DLG2: variants seen among roughly 807,000 people sequenced by gnomAD.
DLG2 encodes disks large homolog 2.
Under a neutral mutation model 132.5 loss-of-function variants are expected in DLG2, and 45 were observed. The ratio of observed to expected loss-of-function variants is 0.34; its 90% CI spans 0.27 to 0.44. The LOEUF is 0.44. Ranked by LOEUF, DLG2 falls within the 20% of genes least tolerant of loss-of-function variation. The pLI is 1.00. For missense variants in DLG2, 1,045 were observed against 1,196.9 expected, an observed-to-expected ratio of 0.87 and a Z score of 1.87; for synonymous variants, 424 against 419.6, an observed-to-expected ratio of 1.01 and a Z score of -0.13.
intron 3 of DLG2, among the ~76,000 whole-genome samples, chr11:85,507,315 T>C (rs2093958110): frequency 1.3e-5 from 2 of 152,356 alleles, no homozygotes; most frequent in African/African-American, 2.4e-5. Flanking sequence ...TCAGTGGTCC[T>C]TACAATTTGG....
At chr11:83,627,658 G>A (rs1226337043) in intron 19 of DLG2, among the ~76,000 whole-genome samples, 6 of 152,162 alleles carry the variant, frequency 3.9e-5, no homozygotes, top group Non-Finnish European at 7.3e-5. Flanking sequence ...ATTGTGAATA[G>A]TGCCGCAATA....
chr11:84,599,463 G>A (rs545782027), intron 6 of DLG2, among the ~76,000 whole-genome samples: 19 of 152,256 alleles, frequency 1.2e-4, no homozygotes, highest in Middle Eastern at 6.8e-3. Context: ...TTGTTTTTGT[G>A]AAGAGCTGAG....
intron 9 of DLG2, among the ~76,000 whole-genome samples, chr11:84,102,366 C>A (rs963890711): frequency 3.3e-5 from 5 of 152,000 alleles, no homozygotes; most frequent in African/African-American, 1.2e-4. Flanking sequence ...AATGAAGTAA[C>A]AGAAAAACAA....
chr11:83,570,079 G>T (rs888789161), intron 19 of DLG2, among the ~76,000 whole-genome samples: 22 of 152,314 alleles, frequency 1.4e-4, no homozygotes, highest in African/African-American at 5.3e-4. Flanking sequence ...CTGGGACATG[G>T]TATCTACTTC....
At chr11:84,713,005 C>A (rs545560046) in intron 6 of DLG2, among the ~76,000 whole-genome samples, 11 of 152,058 alleles carry the variant, frequency 7.2e-5, no homozygotes, top group Non-Finnish European at 1.2e-4. Context: ...AGTGTGAATA[C>A]TATGAGAAAT....
chr11:85,275,280 A>G (rs2077818713), intron 4 of DLG2, among the ~76,000 whole-genome samples: 1 of 152,152 alleles, frequency 6.6e-6, no homozygotes, highest in Non-Finnish European at 1.5e-5. Context: ...TTCTGCTAAT[A>G]TGATATCTGG....
At chr11:84,166,429 G>C (rs922656279) in intron 8 of DLG2, among the ~76,000 whole-genome samples, 4 of 145,036 alleles carry the variant, frequency 2.8e-5, no homozygotes, top group African/African-American at 1.0e-4. Context: ...CTGAACCTGG[G>C]AGGCAGAGGT....
chr11:84,636,829 T>C (rs1450783704), intron 6 of DLG2, among the ~76,000 whole-genome samples: 1 of 151,874 alleles, frequency 6.6e-6, no homozygotes, highest in Admixed American at 6.6e-5. Flanking sequence ...TCATCCAGAC[T>C]GGAGTGCAGT....
chr11:83,557,912 A>G (rs192402560), intron 19 of DLG2, among the ~76,000 whole-genome samples: 1 of 152,286 alleles, frequency 6.6e-6, no homozygotes, highest in Admixed American at 6.5e-5. Flanking sequence ...ATTTAGATCA[A>G]TTCTGGCAGG....
chr11:84,242,477 C>A (rs2097243749), intron 8 of DLG2, among the ~76,000 whole-genome samples: 1 of 151,800 alleles, frequency 6.6e-6, no homozygotes, highest in Non-Finnish European at 1.5e-5. Flanking sequence ...ATGATCCCGG[C>A]TCACTGCAAC....
intron 6 of DLG2, among the ~76,000 whole-genome samples, chr11:84,647,681 T>C (rs566455106): frequency 2.0e-5 from 3 of 152,346 alleles, no homozygotes; most frequent in African/African-American, 2.4e-5. Context: ...TGTTCGTAGA[T>C]GACTTGCAGA....
intron 19 of DLG2, among the ~76,000 whole-genome samples, chr11:83,595,489 G>A (rs1262282716): frequency 6.6e-6 from 1 of 152,124 alleles, no homozygotes; most frequent in Non-Finnish European, 1.5e-5. Flanking sequence ...AGGCTTTAAT[G>A]GCTAAAACAT....
intron 10 of DLG2, among the ~76,000 whole-genome samples, chr11:84,062,738 T>TA (rs1489037314): frequency 6.7e-6 from 1 of 149,620 alleles, no homozygotes; most frequent in Non-Finnish European, 1.5e-5. Flanking sequence ...TTGTTTTAAT[T>TA]TTTTTTTTTA....
rs1034783715 is a variant in DLG2, at chr11:84,222,192, C to G, written c.573+29046G>C. Among the ~76,000 whole-genome samples, 3 of 152,042 alleles carry G rather than the reference C, an allele frequency of 2.0e-5. 1 individual carries two copies. In the South Asian group the frequency reaches 6.2e-4, roughly 32 times the overall value. On this transcript the variant is annotated intron_variant, in intron 8 of 27. Transcript: ENST00000376104. ...GTATTACAGGCATGTGCCACCACAC[C>G]TGGCTAATTTTTTGTATTTAGTAGA...
intron 22 of DLG2, among the ~76,000 whole-genome samples, chr11:83,481,745 G>T (rs954095757): frequency 3.3e-5 from 5 of 152,082 alleles, no homozygotes; most frequent in Non-Finnish European, 5.9e-5. Flanking sequence ...GAAAGTCAAG[G>T]CACATAATCA....
At chr11:84,922,361 T>C (rs1207027251) in intron 6 of DLG2, among the ~76,000 whole-genome samples, 1 of 152,176 alleles carries the variant, frequency 6.6e-6, no homozygotes, top group Non-Finnish European at 1.5e-5. Context: ...GCCGGCTCAG[T>C]GCTGAATGAA....
At chr11:84,923,137 T>C (rs2092838153) in intron 6 of DLG2, 6 of 1,613,502 alleles carry the variant, frequency 3.7e-6, no homozygotes, top group Non-Finnish European at 5.1e-6. Flanking sequence ...ATAAGGAGCA[T>C]ATGGACCGGT....
intron 3 of DLG2, among the ~76,000 whole-genome samples, chr11:85,449,474 G>T (rs953014341): frequency 2.0e-5 from 3 of 151,588 alleles, no homozygotes; most frequent in African/African-American, 4.8e-5. Context: ...TTTTTAGGAG[G>T]TCTATTTTGT....
intron 2 of DLG2, among the ~76,000 whole-genome samples, chr11:85,621,445 G>T (rs1026510191): frequency 1.3e-5 from 2 of 152,190 alleles, no homozygotes; most frequent in Non-Finnish European, 2.9e-5. Context: ...TTCCCTGATA[G>T]ATCTGGCCAA....
Sources: allele counts gnomAD v4.1 joint callset (sites outside exome capture counted in the v4.1 genomes callset), GRCh38; gene constraint gnomAD v4.1.1; transcripts MANE v1.5; gene names NCBI Gene and HGNC (gene_info 2026-07-23, HGNC 2026-07-21).